The following KRT15 variants were observed in gnomAD, a reference collection of about 807,000 sequenced individuals.
KRT15 encodes the protein keratin 15, also known as keratin, type I cytoskeletal 15.
In KRT15, 45 loss-of-function variants were observed where a neutral mutation model predicts 46.6. The observed-to-expected ratio is 0.97, with a 90% confidence interval of 0.76 to 1.24. KRT15 has a LOEUF of 1.24. Ranked by LOEUF, KRT15 falls within the 50% of genes most tolerant of loss-of-function variation. The pLI is 0.00. For missense variants in KRT15, 592 were observed against 588.9 expected (o/e 1.01, Z -0.05); for synonymous variants, 221 against 233.8 (o/e 0.95, Z 0.50).
rs1200065073 is a variant in KRT15, at chr17:41,518,320, G to A, written c.498+10C>T. Reference sequence around the variant, plus strand: ...ACCTGCTCCCCTCTCTTTGACATCCGAGGACTCACCTTGTCCCGGAGCTCT... The same window carrying A: ...ACCTGCTCCCCTCTCTTTGACATCCAAGGACTCACCTTGTCCCGGAGCTCT... On this transcript the variant is annotated intron_variant, in intron 1 of 7. Transcript: ENST00000254043. 9.3e-6 allele frequency: 15 copies of A among 1,606,568 alleles called. No individual in the cohort carries two copies. The highest frequency in any genetic ancestry group is 3.3e-4 in the Middle Eastern group (2 of 6,050).
In KRT15 at chr17:41,516,925, A is replaced by G; in HGVS notation, c.621T>C (p.Ala207=). The G allele has an allele frequency of 6.2e-7, 1 of 1,614,232 alleles. No individual in the cohort carries two copies. Among genetic ancestry groups the G allele is most frequent in the Non-Finnish European group, 8.5e-7 (1 of 1,180,044 alleles). ...GGACTCGGCGCAAGCCGTTGATGTC[A>G]GCCTCAACGCCCTGGCGCAGGGCCA... ...NELALRQGVE[A]DINGLRRVLD... is the part of the protein sequence containing the mutation. The change falls in exon 3 of 8, where the codon GCT becomes GCC. Residue 207 remains alanine (A), a synonymous_variant. Transcript: ENST00000254043.
At position 41,514,674 on chromosome 17, in the gene KRT15, C is replaced by T; in HGVS notation, c.1248G>A (p.Lys416=). 1.2e-6 allele frequency: 2 copies of T among 1,613,500 alleles called. No individual in the cohort carries two copies. The highest frequency in any genetic ancestry group is 8.5e-7 in the Non-Finnish European group (1 of 1,179,570). ...CTTCCCTGATGGCAATGCCAGCCAT[C>T]CTGAAAGAAAGAGGGAAGCTGATTT... ...YRSLLEGQDA[K]MAGIAIREAS... The change falls in exon 7 of 8, where the codon AAG becomes AAA. Residue 416 remains lysine, a splice_region_variant and synonymous_variant. Transcript: ENST00000254043.
In KRT15 at chr17:41,515,932, G is replaced by T; in HGVS notation, c.979C>A (p.Arg327Ser). The T allele has an allele frequency of 6.2e-7, 1 of 1,614,110 alleles. No individual in the cohort carries two copies. The highest frequency in any genetic ancestry group is 1.1e-5 in the South Asian group (1 of 91,074). ...TSKTEITDLR[R>S]TMQELEIELQ... is the part of the protein sequence containing the mutation. ...TCGATCTCCAGCTCCTGCATCGTGC[G>T]TCTCAGGTCTGTGATCTCCGTCTTG... Residue 327 changes from arginine (R) to serine (S), a missense_variant, in exon 5 of 8, where the codon CGC (arginine) becomes AGC (serine). Arg to Ser is a moderately radical substitution (Grantham distance 110, BLOSUM62 -1). Transcript: ENST00000254043.
chr17:41,515,685 C>T lies in KRT15; in HGVS notation c.1034G>A (p.Gly345Glu). The T allele has an allele frequency of 6.2e-7, 1 of 1,613,672 alleles. No homozygotes were observed. Among genetic ancestry groups the T allele is most frequent in the Non-Finnish European group, 8.5e-7 (1 of 1,179,682 alleles). Residue 345 changes from glycine (G) to glutamate (E), a missense_variant, in exon 6 of 8, where the codon GGG (glycine) becomes GAG (glutamate). Gly to Glu is a moderately conservative substitution (Grantham distance 98). Coordinates refer to ENST00000254043, the MANE Select transcript of KRT15 (RefSeq NM_002275.4). ...TGTCTCGGCCAGTGAGTTCTCCAGC[C>T]CAGCTTTCTGGGGGAGTGACAGATG... ...ELQSQLSMKA[G>E]LENSLAETEC...
In KRT15 at chr17:41,517,064, G is replaced by A. The variant is rs1454977469; in HGVS notation, c.581+19C>T. 2 of 1,614,198 alleles carry A rather than the reference G, an allele frequency of 1.2e-6. No individual in the cohort carries two copies. The highest frequency in any genetic ancestry group is 1.7e-6 in the Non-Finnish European group (2 of 1,180,006). On this transcript the variant is annotated intron_variant, in intron 2 of 7. Transcript: ENST00000254043. ...TAAAGTGGGCAATGCAGGAAGAGGA[G>A]AGAGACGGGGGAGCGCACTTGAGCC...
At position 41,514,079 on chromosome 17, in the gene KRT15, T is replaced by G. The variant is rs1470279611; in HGVS notation, c.1315A>C (p.Asn439His). The change falls in exon 8 of 8, where the codon AAT (asparagine) becomes CAT (histidine). Residue 439 changes from asparagine to histidine, a missense_variant. Transcript: ENST00000254043. Reference sequence around the variant, plus strand: ...TGTCCATCCACTGACTCTTCTACATTGATGTGGAAATTGCTGCTGCTACCA... The same window carrying G: ...TGTCCATCCACTGACTCTTCTACATGGATGTGGAAATTGCTGCTGCTACCA... ...GGGSSSNFHI[N>H]VEESVDGQVV... The G allele has an allele frequency of 3.1e-6, 5 of 1,613,986 alleles. No individual in the cohort carries two copies. In the African/African-American group the frequency reaches 5.3e-5, roughly 17 times the overall value.
intron 7 of KRT15, 196 bp downstream of exon 7, chr17:41,514,453 T>G (rs1465130122): frequency 3.3e-6 from 2 of 613,390 alleles, no homozygotes; most frequent in Non-Finnish European, 5.8e-6. Flanking sequence ...ACCTGGAAGT[T>G]TCTCAATAAA....
At position 41,514,037 on chromosome 17, in the gene KRT15, T is replaced by C. The variant is rs757217904; in HGVS notation, c.1357A>G (p.Lys453Glu). The change falls in exon 8 of 8, where the codon AAG (lysine) becomes GAG (glutamate). Residue 453 changes from lysine to glutamate, a missense_variant. Coordinates refer to ENST00000254043, the MANE Select transcript of KRT15 (RefSeq NM_002275.4). The stretch of plus-strand genomic sequence containing the variant: ...GCAATAGACACTTAGATTTCTCTCT[T>C]GTGGGAAGAAACCACCTGTCCATCC... Reference protein sequence around the residue: ...SVDGQVVSSHKREI With the variant: ...SVDGQVVSSHEREI The C allele has an allele frequency of 1.9e-6, 3 of 1,612,974 alleles. No individual in the cohort carries two copies. The highest frequency in any genetic ancestry group is 2.5e-6 in the Non-Finnish European group (3 of 1,179,022).
At chr17:41,514,785 C>A in intron 6 of KRT15, 111 bp from the exon 7 acceptor site, 1 of 1,110,002 alleles carries the variant, frequency 9.0e-7, no homozygotes, top group Non-Finnish European at 1.3e-6. Context: ...ACCACCACCA[C>A]CCACACATCT....
Position 41,516,946 on chromosome 17 carries a change from G to A in KRT15, c.600C>T (p.Ala200=). 6.2e-7 allele frequency: 1 copy of A among 1,614,228 alleles called. No homozygotes were observed. The highest frequency in any genetic ancestry group is 1.3e-5 in the African/African-American group (1 of 75,062). Residue 200 remains alanine (A), a synonymous_variant, in exon 3 of 8, where the codon GCC becomes GCT. Transcript: ENST00000254043. Reference sequence around the variant, plus strand: ...TGTCAGCCTCAACGCCCTGGCGCAGGGCCAGCTCATTCTCATACCTGAGGA... The same window carrying A: ...TGTCAGCCTCAACGCCCTGGCGCAGAGCCAGCTCATTCTCATACCTGAGGA... ...DFRLKYENEL[A]LRQGVEADIN...
intron 1 of KRT15, among the ~76,000 whole-genome samples, chr17:41,517,952 T>G (rs1905467922): frequency 6.6e-6 from 1 of 152,138 alleles, no homozygotes; most frequent in South Asian, 2.1e-4. Flanking sequence ...CGGAGTGCAG[T>G]GGCACAGTCA....
At position 41,513,845 on chromosome 17, in the gene KRT15, G is replaced by C; in HGVS notation, c.*178C>G. ...GCATCTCCTTGCTCCAAAGAAGGTG[G>C]GGAGAGGCAGAGGGGGAATAGAGCG... On this transcript the variant is annotated 3_prime_UTR_variant, in exon 8 of 8. Coordinates refer to ENST00000254043, the MANE Select transcript of KRT15 (RefSeq NM_002275.4). 3.3e-6 allele frequency: 2 copies of C among 606,772 alleles called. No homozygotes were observed. The highest frequency in any genetic ancestry group is 3.8e-5 in the South Asian group (2 of 53,244). 37.6% of individuals were successfully genotyped at this position (606,772 alleles called of 1,614,324 possible).
rs151089400 is a variant in KRT15 at position 41,515,928 on chromosome 17, G to A, written c.983C>T (p.Thr328Met). The change falls in exon 5 of 8, where the codon ACG becomes ATG. Residue 328 changes from threonine (T) to methionine (M), a missense_variant. Physicochemically the swap from Thr to Met is moderately conservative, Grantham distance 81. Transcript: ENST00000254043. Reference sequence around the variant, plus strand: ...CAGCTCGATCTCCAGCTCCTGCATCGTGCGTCTCAGGTCTGTGATCTCCGT... The same window carrying A: ...CAGCTCGATCTCCAGCTCCTGCATCATGCGTCTCAGGTCTGTGATCTCCGT... ...SKTEITDLRRTMQELEIELQS... is the reference protein window; with the variant it reads ...SKTEITDLRRMMQELEIELQS... 4.5e-5 allele frequency: 73 copies of A among 1,614,092 alleles called. No homozygotes were observed. The African/African-American group carries it at 5.3e-4, about 12-fold the overall frequency.
At position 41,516,190 on chromosome 17, in the gene KRT15, T is replaced by G; in HGVS notation, c.814A>C (p.Thr272Pro). 1 of 1,614,060 alleles carries G rather than the reference T, an allele frequency of 6.2e-7. No individual in the cohort carries two copies. The highest frequency in any genetic ancestry group is 8.5e-7 in the Non-Finnish European group (1 of 1,179,996). Residue 272 changes from threonine to proline, a missense_variant, in exon 4 of 8, where the codon ACC becomes CCC. Coordinates refer to ENST00000254043, the MANE Select transcript of KRT15 (RefSeq NM_002275.4). ...TCCCTCATCTCTGCCAGCACACGGGTCAGGTCCACACCCGGTGCTGCGTCC... is the reference window on the plus strand; with the variant it reads ...TCCCTCATCTCTGCCAGCACACGGGGCAGGTCCACACCCGGTGCTGCGTCC... ...EMDAAPGVDL[T>P]RVLAEMREQY...
rs529603156 is a variant in KRT15 at position 41,514,906 on chromosome 17, G to A, written c.1248-232C>T. ...TTTTGAGACGGAATCTCACTCTGTCGCCCAGGCTGGAGTGCAGTGGCACGA... is the reference window on the plus strand; with the variant it reads ...TTTTGAGACGGAATCTCACTCTGTCACCCAGGCTGGAGTGCAGTGGCACGA... On this transcript the variant is annotated intron_variant, in intron 6 of 7. Transcript: ENST00000254043. 5.7e-4 allele frequency: 267 copies of A among 466,920 alleles called. 2 individuals are homozygous for A. Among genetic ancestry groups the A allele is most frequent in the African/African-American group, 4.6e-3 (228 of 50,068 alleles). The allele number at this position is 466,920 out of a possible 1,614,324, so 28.9% of individuals were successfully genotyped here.
chr17:41,515,493 A>G lies in KRT15; in HGVS notation c.1226T>C (p.Leu409Pro), dbSNP rs747551591. The change falls in exon 6 of 8, where the codon CTG becomes CCG. Residue 409 changes from leucine to proline, a missense_variant. Transcript: ENST00000254043. ...CTACTTGGCATCCTGGCCCTCGAGC[A>G]GGCTGCGGTAAGTAGCGATCTCCTG... is the stretch of plus-strand genomic sequence containing the variant. ...LEQEIATYRS[L>P]LEGQDAKMAG... 1.9e-5 allele frequency: 30 copies of G among 1,613,582 alleles called. No individual in the cohort carries two copies. Among genetic ancestry groups the G allele is most frequent in the Non-Finnish European group, 2.5e-5 (30 of 1,180,036 alleles).
rs936784386 is a variant in KRT15 at position 41,513,790 on chromosome 17, G to C, written c.*233C>G. On this transcript the variant is annotated 3_prime_UTR_variant, in exon 8 of 8. Coordinates refer to ENST00000254043, the MANE Select transcript of KRT15 (RefSeq NM_002275.4). ...ATTCTTTATTACATGAACAGACACT[G>C]TACAAATGAGCTTGTTACACAATAC... The C allele has an allele frequency of 2.9e-5, 15 of 518,190 alleles. No homozygotes were observed. The highest frequency in any genetic ancestry group is 4.6e-5 in the Non-Finnish European group (13 of 284,590). 32.1% of individuals were successfully genotyped at this position (518,190 alleles called of 1,614,324 possible). A position where few individuals can be genotyped will look rare whatever the true frequency, so the allele number is the denominator to read the frequency against.
chr17:41,514,712 C>T (rs1905274077), intron 6 of KRT15, 38 bp from the exon 7 acceptor site: 14 of 1,611,172 alleles, frequency 8.7e-6, no homozygotes, highest in Non-Finnish European at 1.2e-5. Context: ...GCAAAGGGCA[C>T]AAGCTCAAGT....
chr17:41,515,976 G>A lies in KRT15; in HGVS notation c.935C>T (p.Thr312Ile). The A allele has an allele frequency of 6.2e-7, 1 of 1,614,164 alleles. No homozygotes were observed. The highest frequency in any genetic ancestry group is 8.5e-7 in the Non-Finnish European group (1 of 1,180,026). The stretch of plus-strand genomic sequence containing the variant: ...CGTCTTGCTGGTCTGGATCATTTCT[G>A]TGTTGGAGGCCACCTCTTTGTTCAG... ...EELNKEVASN[T>I]EMIQTSKTEI... Residue 312 changes from threonine (T) to isoleucine (I), a missense_variant, in exon 5 of 8, where the codon ACA becomes ATA. Thr to Ile is a moderately conservative substitution (Grantham distance 89). Transcript: ENST00000254043.
Sources: gnomAD v4.1 joint callset for allele counts (sites outside exome capture counted in the v4.1 genomes callset) on GRCh38, gnomAD v4.1.1 for gene constraint, MANE v1.5 for transcripts, NCBI Gene and HGNC (gene_info 2026-07-23, HGNC 2026-07-21) for gene names.